CFDP1: variants seen among roughly 807,000 people sequenced by gnomAD.
CFDP1 encodes the protein heterochromatin-stabilizing protein CFDP1.
CFDP1 carries 31 observed loss-of-function variants against 40.1 expected under a neutral mutation model. The observed-to-expected ratio is 0.77, with a 90% CI of 0.58 to 1.04. The LOEUF (loss-of-function observed/expected upper bound fraction) is 1.04. Among genes scored for constraint, CFDP1 ranks in the 50% least tolerant of loss-of-function variants. The pLI, the probability that CFDP1 is intolerant of heterozygous loss-of-function variation, is 0.00. For missense variants in CFDP1, 423 were observed against 343.4 expected, an observed-to-expected ratio of 1.23 and a Z score of -1.83; for synonymous variants, 167 against 120.0, an observed-to-expected ratio of 1.39 and a Z score of -2.56.
intron 1 of CFDP1, among the ~76,000 whole-genome samples, 192 bp from the exon 2 acceptor site, chr16:75,414,887 C>A (rs2079191402): frequency 6.6e-6 from 1 of 152,132 alleles, no homozygotes; most frequent in South Asian, 2.1e-4. Flanking sequence ...ACCCTACGTT[C>A]TTCTATCGTA....
chr16:75,308,166 T>C (rs548959264), intron 5 of CFDP1, among the ~76,000 whole-genome samples: 81 of 152,294 alleles, frequency 5.3e-4, no homozygotes, highest in African/African-American at 1.6e-3. Flanking sequence ...GCTCAAGCCA[T>C]TGGGGCTAGC....
intron 1 of CFDP1, among the ~76,000 whole-genome samples, chr16:75,423,440 C>T (rs573268819): frequency 1.6e-4 from 25 of 152,184 alleles, no homozygotes; most frequent in African/African-American, 6.0e-4. Flanking sequence ...AAGCGATTCT[C>T]GTGCCTCAGC....
In CFDP1 at chr16:75,433,485, C is replaced by G; in HGVS notation, c.-133G>C. 1.3e-6 allele frequency: 1 copy of G among 777,858 alleles called. No individual in the cohort carries two copies. The highest frequency in any genetic ancestry group is 2.2e-5 in the Admixed American group (1 of 46,410). 48.2% of individuals were successfully genotyped at this position (777,858 alleles called of 1,614,324 possible). A position where few individuals can be genotyped will look rare whatever the true frequency, so the allele number is the denominator to read the frequency against. ...GGGCGGCCCCCGACAGCGCTTTGCACATGCGCAGAGAGTACTACGTGGTTG... is the reference window on the plus strand; with the variant it reads ...GGGCGGCCCCCGACAGCGCTTTGCAGATGCGCAGAGAGTACTACGTGGTTG... On this transcript the variant is annotated 5_prime_UTR_variant, in exon 1 of 7. An upstream start codon of the reference 5' UTR is lost. Transcript: ENST00000283882.
intron 1 of CFDP1, among the ~76,000 whole-genome samples, chr16:75,418,617 T>C (rs1019220335): frequency 7.9e-5 from 12 of 152,032 alleles, no homozygotes; most frequent in African/African-American, 2.9e-4. Context: ...CTAACCCTTT[T>C]TAAGTATTTC....
intron 5 of CFDP1, among the ~76,000 whole-genome samples, chr16:75,315,694 T>C (rs534366641): frequency 2.0e-4 from 30 of 152,350 alleles, no homozygotes; most frequent in African/African-American, 3.8e-4. Context: ...TTTCTATATA[T>C]AGATTTACTT....
At chr16:75,355,299 G>T (rs1022689025) in intron 5 of CFDP1, among the ~76,000 whole-genome samples, 3 of 152,176 alleles carry the variant, frequency 2.0e-5, no homozygotes, top group African/African-American at 7.2e-5. Context: ...TTTCATGAAA[G>T]ATTTCTGTAG....
chr16:75,296,808 CA>C (rs2078185306), intron 6 of CFDP1, among the ~76,000 whole-genome samples: 1 of 152,224 alleles, frequency 6.6e-6, no homozygotes, highest in African/African-American at 2.4e-5. Context: ...GACTATTCCC[CA>C]ATTCACAGCC....
chr16:75,380,783 C>G (rs950112628), intron 5 of CFDP1, among the ~76,000 whole-genome samples: 1 of 152,108 alleles, frequency 6.6e-6, no homozygotes, highest in Non-Finnish European at 1.5e-5. Flanking sequence ...CAGGCAAGAG[C>G]ATCTAGAAAA....
intron 4 of CFDP1, among the ~76,000 whole-genome samples, chr16:75,404,050 T>C (rs966151562): frequency 6.6e-6 from 1 of 151,522 alleles, no homozygotes; most frequent in Admixed American, 6.6e-5. Flanking sequence ...GAGAATCGCT[T>C]GAACCCAGGA....
intron 4 of CFDP1, among the ~76,000 whole-genome samples, chr16:75,408,255 G>C (rs2079122059): frequency 6.6e-6 from 1 of 151,984 alleles, no homozygotes; most frequent in South Asian, 2.1e-4. Flanking sequence ...TTTTTAAAAT[G>C]TATACTTCTG....
At chr16:75,356,162 T>C (rs1378221696) in intron 5 of CFDP1, among the ~76,000 whole-genome samples, 2 of 152,218 alleles carry the variant, frequency 1.3e-5, no homozygotes, top group Admixed American at 6.5e-5. Flanking sequence ...CTGTCCAGAT[T>C]CATCAGATAA....
At position 75,365,088 on chromosome 16, in the gene CFDP1, T is replaced by A. The variant is rs1371735688; in HGVS notation, c.650+30002A>T. On this transcript the variant is annotated intron_variant, in intron 5 of 6. Transcript: ENST00000283882. Reference sequence around the variant, plus strand: ...ACCATGGTGACTGGCTAGTTGTTTTTCCATAGCATCTTAAATATTTGGTAT... The same window carrying A: ...ACCATGGTGACTGGCTAGTTGTTTTACCATAGCATCTTAAATATTTGGTAT... 3.3e-5 allele frequency among the ~76,000 whole-genome samples: 5 copies of A among 152,330 alleles called. No individual in the cohort carries two copies. The East Asian group carries it at 9.6e-4, about 29-fold the overall frequency.
chr16:75,426,526 G>A (rs867918344), intron 1 of CFDP1, among the ~76,000 whole-genome samples: 2 of 151,570 alleles, frequency 1.3e-5, no homozygotes, highest in African/African-American at 4.8e-5. Flanking sequence ...ATTTTACTCT[G>A]CAGGCCAGGC....
chr16:75,393,275 C>T (rs1383246626), intron 5 of CFDP1, among the ~76,000 whole-genome samples: 2 of 152,150 alleles, frequency 1.3e-5, no homozygotes, highest in Non-Finnish European at 2.9e-5. Context: ...TGGCTTCTTT[C>T]CTCTCTTGTA....
At chr16:75,300,599 T>C (rs945691741) in intron 6 of CFDP1, among the ~76,000 whole-genome samples, 2 of 152,162 alleles carry the variant, frequency 1.3e-5, no homozygotes, top group African/African-American at 4.8e-5. Flanking sequence ...AAGTTTTTCT[T>C]TTAACAGTAG....
intron 4 of CFDP1, among the ~76,000 whole-genome samples, chr16:75,400,523 AG>A (rs2079042655): frequency 6.6e-6 from 1 of 152,158 alleles, no homozygotes; most frequent in Non-Finnish European, 1.5e-5. Flanking sequence ...AGGAGCAGCT[AG>A]GCCCCAGATC....
chr16:75,365,502 C>A (rs1567658236), intron 5 of CFDP1, among the ~76,000 whole-genome samples: 1 of 152,114 alleles, frequency 6.6e-6, no homozygotes, highest in African/African-American at 2.4e-5. Context: ...GTTATGGAGA[C>A]AGTACTAAGT....
chr16:75,335,702 G>A (rs369058993), intron 5 of CFDP1, among the ~76,000 whole-genome samples: 10 of 152,034 alleles, frequency 6.6e-5, no homozygotes, highest in African/African-American at 9.6e-5. Context: ...GACTACAGGC[G>A]CCCGCCACCA....
chr16:75,300,225 G>C (rs1336284306), intron 6 of CFDP1, among the ~76,000 whole-genome samples: 1 of 152,186 alleles, frequency 6.6e-6, no homozygotes, highest in African/African-American at 2.4e-5. Flanking sequence ...AGTATTTTGT[G>C]ATGAAACCAT....
Sources: allele counts gnomAD v4.1 joint callset (sites outside exome capture counted in the v4.1 genomes callset), GRCh38; gene constraint gnomAD v4.1.1; transcripts MANE v1.5; gene names NCBI Gene and HGNC (gene_info 2026-07-23, HGNC 2026-07-21).